Variants in CDH18 observed in about 807,000 individuals in gnomAD.
CDH18 encodes the protein cadherin 18, also known as cadherin-18.
CDH18 carries 31 observed loss-of-function variants against 67.9 expected under a neutral mutation model. That is an observed-to-expected ratio of 0.46 (90% CI 0.34 to 0.62). The LOEUF (loss-of-function observed/expected upper bound fraction) is 0.62, where lower values mean the gene tolerates loss of function less well. Ranked by LOEUF, CDH18 falls within the 20% of genes least tolerant of loss-of-function variation. The pLI is 0.01. For synonymous variants in CDH18, 362 were observed against 347.2 expected, an observed-to-expected ratio of 1.04 and a Z score of -0.48; for missense variants, 890 against 975.5, an observed-to-expected ratio of 0.91 and a Z score of 1.17.
At chr5:19,921,264 G>A (rs911268852) in intron 2 of CDH18, among the ~76,000 whole-genome samples, 10 of 152,138 alleles carry the variant, frequency 6.6e-5, no homozygotes, top group Non-Finnish European at 1.3e-4. Flanking sequence ...GGGCATAGTG[G>A]CTCACACCTG....
At chr5:19,741,210 TATATGTATATATAC>T (rs1483835756) in intron 4 of CDH18, among the ~76,000 whole-genome samples, 1 of 143,552 alleles carries the variant, frequency 7.0e-6, no homozygotes, top group African/African-American at 2.5e-5. Context: ...ATATATGTCA[TATATGTATATATAC>T]ATGTATATAT....
At chr5:20,394,073 T>C (rs1040412928) in intron 1 of CDH18, among the ~76,000 whole-genome samples, 3 of 151,976 alleles carry the variant, frequency 2.0e-5, no homozygotes, top group South Asian at 4.1e-4. Context: ...TAAAATTATA[T>C]GGAATCCCAA....
At chr5:19,902,548 T>C (rs982206244) in intron 2 of CDH18, among the ~76,000 whole-genome samples, 2 of 151,408 alleles carry the variant, frequency 1.3e-5, no homozygotes, top group Non-Finnish European at 2.9e-5. Flanking sequence ...GTGGATACTC[T>C]AGCCCCAGCT....
At chr5:20,348,861 A>G (rs1332351632) in intron 1 of CDH18, among the ~76,000 whole-genome samples, 2 of 152,114 alleles carry the variant, frequency 1.3e-5, no homozygotes, top group East Asian at 3.8e-4. Context: ...AAAAAACTAA[A>G]CAAAAACTTA....
In CDH18 at chr5:19,834,503, G is replaced by T. The variant is rs1781407327; in HGVS notation, c.228+4256C>A. Among the ~76,000 whole-genome samples the T allele has an allele frequency of 2.0e-5, 3 of 151,480 alleles. No individual in the cohort carries two copies. The South Asian group carries it at 6.2e-4, about 31-fold the overall frequency. ...CCTGGATTCACTGATTTTTTGGAGG[G>T]TTTTCATGCCCCTATCTCCTTCAGT... On this transcript the variant is annotated intron_variant, in intron 3 of 12. Coordinates refer to ENST00000382275, the MANE Select transcript of CDH18 (RefSeq NM_004934.5).
At chr5:19,890,421 T>G (rs966351849) in intron 2 of CDH18, among the ~76,000 whole-genome samples, 1 of 152,068 alleles carries the variant, frequency 6.6e-6, no homozygotes, top group African/African-American at 2.4e-5. Flanking sequence ...GTGGAAATCT[T>G]TGGGGGACTA....
At chr5:19,647,447 T>C (rs1324302649) in intron 5 of CDH18, among the ~76,000 whole-genome samples, 1 of 142,920 alleles carries the variant, frequency 7.0e-6, no homozygotes, top group African/African-American at 2.6e-5. Context: ...GGAGAATCAC[T>C]TGAACCCGGG....
chr5:19,780,734 C>A (rs1775017497), intron 3 of CDH18, among the ~76,000 whole-genome samples: 1 of 152,022 alleles, frequency 6.6e-6, no homozygotes, highest in African/African-American at 2.4e-5. Context: ...TTATATTTTC[C>A]TCTAGTTTTA....
chr5:19,905,478 T>TC (rs142765506), intron 2 of CDH18, among the ~76,000 whole-genome samples: 76,959 of 151,446 alleles, frequency 0.51, 19,766 homozygotes, highest in African/African-American at 0.59. Flanking sequence ...AACATTTAGA[T>TC]CATATCCAAT....
intron 2 of CDH18, among the ~76,000 whole-genome samples, chr5:20,064,408 C>G (rs1241792095): frequency 6.6e-6 from 1 of 152,082 alleles, no homozygotes; most frequent in Non-Finnish European, 1.5e-5. Flanking sequence ...GTTCTTGTTT[C>G]TTGCTCTTAA....
intron 6 of CDH18, among the ~76,000 whole-genome samples, chr5:19,600,761 C>T (rs6892555): frequency 9.0e-4 from 136 of 151,854 alleles, no homozygotes; most frequent in African/African-American, 3.1e-3. Context: ...TATTTTAATG[C>T]CTTACATTAT....
intron 5 of CDH18, among the ~76,000 whole-genome samples, chr5:19,648,010 C>T (rs546605891): frequency 6.6e-6 from 1 of 152,200 alleles, no homozygotes; most frequent in East Asian, 1.9e-4. Flanking sequence ...GATTTGTTTT[C>T]AAGACAATTG....
intron 2 of CDH18, among the ~76,000 whole-genome samples, chr5:19,959,145 G>T (rs1486338206): frequency 6.6e-6 from 1 of 151,968 alleles, no homozygotes; most frequent in Admixed American, 6.6e-5. Flanking sequence ...GAATGAAAAA[G>T]AAAAGTAGAA....
At chr5:20,498,475 CTTATT>C (rs1472081560) in intron 1 of CDH18, among the ~76,000 whole-genome samples, 1 of 151,948 alleles carries the variant, frequency 6.6e-6, no homozygotes, top group Non-Finnish European at 1.5e-5. Context: ...TAGAGAGATA[CTTATT>C]TTAAAAACAT....
chr5:20,326,808 T>C (rs1047739474), intron 1 of CDH18, among the ~76,000 whole-genome samples: 1 of 152,188 alleles, frequency 6.6e-6, no homozygotes, highest in Non-Finnish European at 1.5e-5. Flanking sequence ...CCCAAAGTGC[T>C]GGGATCACCG....
chr5:20,284,331 C>G (rs1746515681), intron 1 of CDH18, among the ~76,000 whole-genome samples: 1 of 151,760 alleles, frequency 6.6e-6, no homozygotes, highest in African/African-American at 2.4e-5. Context: ...ATGCCTGCAT[C>G]AAAATATCTC....
At chr5:19,522,193 C>T (rs1173074336) in intron 9 of CDH18, among the ~76,000 whole-genome samples, 1 of 151,984 alleles carries the variant, frequency 6.6e-6, no homozygotes, top group African/African-American at 2.4e-5. Flanking sequence ...CATAATCACT[C>T]AAGAACATAT....
chr5:20,012,718 C>T (rs1245413190), intron 2 of CDH18, among the ~76,000 whole-genome samples: 1 of 152,040 alleles, frequency 6.6e-6, no homozygotes, highest in Non-Finnish European at 1.5e-5. Flanking sequence ...GAATACTATG[C>T]AGCCATATAA....
chr5:19,881,052 T>C (rs2150054977), intron 2 of CDH18, among the ~76,000 whole-genome samples: 1 of 152,276 alleles, frequency 6.6e-6, no homozygotes, highest in South Asian at 2.1e-4. Context: ...AGGGAAGTGT[T>C]ATTCTGGCAA....
Sources: gnomAD v4.1 joint callset for allele counts (sites outside exome capture counted in the v4.1 genomes callset) on GRCh38, gnomAD v4.1.1 for gene constraint, MANE v1.5 for transcripts, NCBI Gene and HGNC (gene_info 2026-07-23, HGNC 2026-07-21) for gene names.